The following KALRN variants were observed in gnomAD, a reference collection of about 807,000 sequenced individuals.
The protein encoded by KALRN is kalirin.
A neutral mutation model predicts 353.7 loss-of-function variants in KALRN; 70 were observed. The observed-to-expected ratio is 0.20, with a 90% CI of 0.16 to 0.24. KALRN has a LOEUF of 0.24. Among genes scored for constraint, KALRN ranks in the 10% least tolerant of loss-of-function variants. The pLI, the probability that KALRN is intolerant of heterozygous loss-of-function variation, is 1.00. For missense variants in KALRN, 2,791 were observed against 3,756.7 expected (o/e 0.74, Z 6.72); for synonymous variants, 1,391 against 1,434.8 (o/e 0.97, Z 0.69).
At chr3:124,524,576 C>T (rs2109052775) in intron 33 of KALRN, among the ~76,000 whole-genome samples, 1 of 152,306 alleles carries the variant, frequency 6.6e-6, no homozygotes, top group East Asian at 1.9e-4. Flanking sequence ...TTAATGTTCA[C>T]TGCAACACAA....
At chr3:124,491,275 C>A (rs750280244) in intron 30 of KALRN, 48 bp from the exon 31 acceptor site, 8 of 1,380,288 alleles carry the variant, frequency 5.8e-6, no homozygotes, top group Non-Finnish European at 7.9e-6. Context: ...CTAAGTTTCC[C>A]CACTGCCCTC....
intron 1 of KALRN, among the ~76,000 whole-genome samples, chr3:124,138,597 C>T (rs939888166): frequency 2.6e-5 from 4 of 152,236 alleles, no homozygotes; most frequent in African/African-American, 9.6e-5. Flanking sequence ...CCAGAGGATT[C>T]ACTGAAGTTC....
chr3:124,600,639 TTA>T (rs34435980), intron 34 of KALRN, among the ~76,000 whole-genome samples: 14,176 of 151,076 alleles, frequency 0.094, 972 homozygotes, highest in African/African-American at 0.19. Context: ...ACCATGAAAT[TTA>T]TATATATATA....
chr3:124,120,592 G>C (rs1170264309), intron 1 of KALRN, among the ~76,000 whole-genome samples: 1 of 151,730 alleles, frequency 6.6e-6, no homozygotes, highest in Non-Finnish European at 1.5e-5. Context: ...ATTTAACTAA[G>C]TATGTACTGA....
chr3:124,225,169 G>A (rs2078336089), intron 1 of KALRN, among the ~76,000 whole-genome samples: 1 of 152,190 alleles, frequency 6.6e-6, no homozygotes, highest in Non-Finnish European at 1.5e-5. Context: ...TCTTTAGTCA[G>A]TGCAAATAGG....
Position 124,578,220 on chromosome 3 carries a change from G to A in KALRN, c.5182+15131G>A, listed in dbSNP as rs151013322. ...GACTTACAAATAGTAAATATTCCAAGACCAATTATTTGTTGAATAAATGAT... is the reference window on the plus strand; with the variant it reads ...GACTTACAAATAGTAAATATTCCAAAACCAATTATTTGTTGAATAAATGAT... On this transcript the variant is annotated intron_variant, in intron 34 of 59. Coordinates refer to ENST00000682506, the MANE Select transcript of KALRN (RefSeq NM_001388419.1). 1.4e-4 allele frequency among the ~76,000 whole-genome samples: 22 copies of A among 152,294 alleles called. No homozygotes were observed. In the East Asian group the frequency reaches 3.3e-3, roughly 23 times the overall value.
chr3:124,161,608 A>G (rs1308643525), intron 1 of KALRN, among the ~76,000 whole-genome samples: 1 of 152,186 alleles, frequency 6.6e-6, no homozygotes, highest in East Asian at 1.9e-4. Flanking sequence ...GGCCTCCTGT[A>G]TGTTACTAAA....
At chr3:124,368,105 T>C (rs1576346131) in intron 10 of KALRN, among the ~76,000 whole-genome samples, 1 of 32,220 alleles carries the variant, frequency 3.1e-5, no homozygotes, top group Non-Finnish European at 5.7e-5. Flanking sequence ...CCCCCCCACC[T>C]CCCTCCCGGA....
chr3:124,465,067 A>G (rs1298314301), intron 25 of KALRN, among the ~76,000 whole-genome samples: 1 of 152,124 alleles, frequency 6.6e-6, no homozygotes, highest in African/African-American at 2.4e-5. Context: ...AAATAAATTA[A>G]TGGTTTAATT....
chr3:124,547,314 T>G (rs932418994), intron 33 of KALRN, among the ~76,000 whole-genome samples: 1 of 150,372 alleles, frequency 6.7e-6, no homozygotes, highest in Non-Finnish European at 1.5e-5. Context: ...TAATTTTTAT[T>G]TATTTAGTAT....
chr3:124,667,124 A>C lies in KALRN; in HGVS notation c.6644A>C (p.Gln2215Pro). 6.2e-7 allele frequency: 1 copy of C among 1,614,212 alleles called. No individual in the cohort carries two copies. Among genetic ancestry groups the C allele is most frequent in the Non-Finnish European group, 8.5e-7 (1 of 1,180,026 alleles). Residue 2215 changes from glutamine (Q) to proline (P), a missense_variant, in exon 47 of 60, where the codon CAG (glutamine) becomes CCG (proline). Transcript: ENST00000682506. ...VVLQAANADI[Q>P]QAWVQDINQV... ...CTGCAAGCCGCCAACGCTGACATCCAGCAGGCCTGGGTGCAGGACATCAAT... is the reference window on the plus strand; with the variant it reads ...CTGCAAGCCGCCAACGCTGACATCCCGCAGGCCTGGGTGCAGGACATCAAT...
At chr3:124,416,955 A>G (rs201953938) in intron 14 of KALRN, among the ~76,000 whole-genome samples, 2 of 152,330 alleles carry the variant, frequency 1.3e-5, no homozygotes, top group East Asian at 3.9e-4. Flanking sequence ...GAATTTTTAT[A>G]TGCTTCTTTT....
intron 37 of KALRN, among the ~76,000 whole-genome samples, chr3:124,644,971 C>T (rs1321236281): frequency 6.6e-6 from 1 of 152,224 alleles, no homozygotes; most frequent in Non-Finnish European, 1.5e-5. Context: ...TGTTTCTCCA[C>T]ATTCTCTCCA....
intron 37 of KALRN, among the ~76,000 whole-genome samples, chr3:124,645,666 G>GTA (rs2082627858): frequency 6.6e-6 from 1 of 151,272 alleles, no homozygotes; most frequent in Non-Finnish European, 1.5e-5. Context: ...CTCTGTGCGT[G>GTA]TGTGTGTGTG....
At chr3:124,430,973 G>T (rs74934729) in intron 16 of KALRN, among the ~76,000 whole-genome samples, 198 bp downstream of exon 16, 3,294 of 152,264 alleles carry the variant, frequency 0.022, 113 homozygotes, top group African/African-American at 0.074. Context: ...GGGAGGCCTG[G>T]TATTAGAAAA....
intron 37 of KALRN, among the ~76,000 whole-genome samples, chr3:124,642,290 AAAC>A (rs1259195988): frequency 7.5e-6 from 1 of 133,526 alleles, no homozygotes; most frequent in African/African-American, 2.9e-5. Context: ...CTCTACAGAA[AAAC>A]AAAAAATTAA....
chr3:124,112,305 A>AC (rs35093402), intron 1 of KALRN, among the ~76,000 whole-genome samples: 575 of 3,624 alleles, frequency 0.16, 3 homozygotes, highest in Middle Eastern at 0.5. Flanking sequence ...TCCATCTCAC[A>AC]AAAAAAAAAA....
In KALRN at chr3:124,105,290, G is replaced by T. The variant is rs934356511; in HGVS notation, c.73+71477G>T. Among the ~76,000 whole-genome samples, 7 of 152,126 alleles carry T rather than the reference G, an allele frequency of 4.6e-5. No individual in the cohort carries two copies. In the South Asian group the frequency reaches 1.5e-3, roughly 32 times the overall value. On this transcript the variant is annotated intron_variant, in intron 1 of 59. Coordinates refer to ENST00000682506, the MANE Select transcript of KALRN (RefSeq NM_001388419.1). ...AGTAGGACTTGGGGTGTTGGTAAAG[G>T]GATTTAGAAACTTTGAGTTTTAGAT...
chr3:124,622,199 G>T (rs953229418), intron 34 of KALRN, among the ~76,000 whole-genome samples: 9 of 152,176 alleles, frequency 5.9e-5, no homozygotes, highest in Non-Finnish European at 1.2e-4. Context: ...CAAAAGAACA[G>T]AAGGTCAAAG....
Sources: gnomAD v4.1 joint callset for allele counts (sites outside exome capture counted in the v4.1 genomes callset) on GRCh38, gnomAD v4.1.1 for gene constraint, MANE v1.5 for transcripts, NCBI Gene and HGNC (gene_info 2026-07-23, HGNC 2026-07-21) for gene names.